Variants in SIK3 observed in about 807,000 individuals in gnomAD.
The protein encoded by SIK3 is serine/threonine-protein kinase SIK3.
A neutral mutation model predicts 144.2 loss-of-function variants in SIK3; 28 were observed. The observed-to-expected ratio is 0.19, with a 90% CI of 0.14 to 0.27. The LOEUF is 0.27. SIK3 is among the 10% of genes least tolerant of loss of function. SIK3 has a pLI of 1.00. For missense variants in SIK3, 1,319 were observed against 1,776.0 expected, an observed-to-expected ratio of 0.74 and a Z score of 4.62; for synonymous variants, 686 against 676.3, an observed-to-expected ratio of 1.01 and a Z score of -0.22.
intron 1 of SIK3, among the ~76,000 whole-genome samples, chr11:117,073,988 T>C (rs1223184778): frequency 1.3e-5 from 2 of 152,174 alleles, no homozygotes; most frequent in Non-Finnish European, 2.9e-5. Flanking sequence ...CAATCATAAT[T>C]CACTGCAGCC....
At position 116,858,411 on chromosome 11, in the gene SIK3, T is replaced by C; in HGVS notation, c.3054A>G (p.Gln1018=). The change falls in exon 21 of 25, where the codon CAA becomes CAG. Residue 1018 remains glutamine, a synonymous_variant. Transcript: ENST00000445177. The surrounding 1 kb of genome is among the most constrained non-coding windows in gnomAD (Gnocchi z 5.4). ...GCGAATGCCGGGGAGAAAGCAGTCC[T>C]TGAAGGATGTGGGGTACCTGCTGGT... The part of the protein sequence containing the change: ...TRHQQVPHIL[Q]GLLSPRHSLT... 6.2e-7 allele frequency: 1 copy of C among 1,612,338 alleles called. No individual in the cohort carries two copies. Among genetic ancestry groups the C allele is most frequent in the Non-Finnish European group, 8.5e-7 (1 of 1,179,118 alleles).
chr11:117,059,621 C>T (rs1206072114), intron 1 of SIK3, among the ~76,000 whole-genome samples: 1 of 152,160 alleles, frequency 6.6e-6, no homozygotes, highest in Non-Finnish European at 1.5e-5. Flanking sequence ...TGGTGAAGCA[C>T]TGGTATCCAA....
chr11:116,865,400 C>T (rs2134456108), intron 15 of SIK3, among the ~76,000 whole-genome samples: 1 of 152,224 alleles, frequency 6.6e-6, no homozygotes, highest in South Asian at 2.1e-4. Flanking sequence ...AGCACAGTAA[C>T]CTCAGAGGAA....
At chr11:117,095,054 C>T (rs1218295862) in intron 1 of SIK3, among the ~76,000 whole-genome samples, 2 of 152,140 alleles carry the variant, frequency 1.3e-5, no homozygotes, top group Non-Finnish European at 2.9e-5. Context: ...CCCAGGATCC[C>T]ACTCTAGACG....
chr11:116,897,538 T>C (rs1297425437), intron 4 of SIK3, among the ~76,000 whole-genome samples: 2 of 152,118 alleles, frequency 1.3e-5, no homozygotes, highest in Non-Finnish European at 2.9e-5. Flanking sequence ...TCAGCAAAAA[T>C]AGTACTGCTC....
chr11:116,929,531 G>GA, intron 3 of SIK3, among the ~76,000 whole-genome samples: 1 of 152,268 alleles, frequency 6.6e-6, no homozygotes, highest in African/African-American at 2.4e-5. Context: ...AAAGTGATTG[G>GA]AAAGTTCTCA....
At chr11:117,081,203 T>C (rs759487840) in intron 1 of SIK3, among the ~76,000 whole-genome samples, 12 of 152,156 alleles carry the variant, frequency 7.9e-5, no homozygotes, top group Non-Finnish European at 1.5e-4. Context: ...TGGTTATAAA[T>C]AGTTAATGTT....
chr11:116,956,291 T>A (rs948969364), intron 2 of SIK3, among the ~76,000 whole-genome samples: 1 of 151,556 alleles, frequency 6.6e-6, no homozygotes, highest in Non-Finnish European at 1.5e-5. Flanking sequence ...TGCTAGGGAA[T>A]CATTTTGATG....
intron 14 of SIK3, chr11:116,869,409 T>G (rs1943834106): frequency 6.6e-6 from 1 of 152,188 alleles, no homozygotes; most frequent in East Asian, 1.9e-4. Context: ...TCTTGCCCCT[T>G]TCAGCTAAAA....
intron 1 of SIK3, among the ~76,000 whole-genome samples, chr11:117,086,462 C>T (rs1473903845): frequency 1.3e-5 from 2 of 152,128 alleles, no homozygotes; most frequent in African/African-American, 4.8e-5. Flanking sequence ...GAGGCCGAGG[C>T]GAGTGGATCA....
intron 4 of SIK3, among the ~76,000 whole-genome samples, chr11:116,901,999 CA>C (rs1945761576): frequency 6.6e-6 from 1 of 152,154 alleles, no homozygotes; most frequent in Non-Finnish European, 1.5e-5. Flanking sequence ...AAATAAAAGA[CA>C]GAAAAAAGAT....
intron 4 of SIK3, among the ~76,000 whole-genome samples, chr11:116,903,359 G>A (rs1258291557): frequency 6.6e-6 from 1 of 152,212 alleles, no homozygotes; most frequent in Admixed American, 6.5e-5. Flanking sequence ...GAATGCTGGG[G>A]TGTGTGGTAG....
At chr11:116,852,893 G>A (rs1038113290) in intron 21 of SIK3, among the ~76,000 whole-genome samples, 1 of 152,192 alleles carries the variant, frequency 6.6e-6, no homozygotes, top group Non-Finnish European at 1.5e-5. Context: ...ATACCCCAGG[G>A]CTCTGTCTGC....
chr11:116,963,646 G>T (rs932546529), intron 1 of SIK3, among the ~76,000 whole-genome samples: 1 of 152,134 alleles, frequency 6.6e-6, no homozygotes, highest in African/African-American at 2.4e-5. Context: ...ATCAAACTCT[G>T]AGAACAACTG....
chr11:117,003,963 G>A lies in SIK3; in HGVS notation c.274-46899C>T, dbSNP rs527449247. Among the ~76,000 whole-genome samples, 5 of 152,286 alleles carry A rather than the reference G, an allele frequency of 3.3e-5. No individual in the cohort carries two copies. In the East Asian group the frequency reaches 7.7e-4, roughly 23 times the overall value. ...CCATGTGCTACTGCTGCCTTCGTCT[G>A]AGCATCTATCTACAAAAATTATGGA... On this transcript the variant is annotated intron_variant, in intron 1 of 24. Coordinates refer to ENST00000445177, the MANE Select transcript of SIK3 (RefSeq NM_001366686.3).
intron 14 of SIK3, 74 bp downstream of exon 14, chr11:116,870,257 C>A: frequency 1.9e-6 from 3 of 1,597,860 alleles, no homozygotes; most frequent in Non-Finnish European, 2.6e-6. Flanking sequence ...CCTCCTTGGG[C>A]AGAGGTGACC....
intron 1 of SIK3, among the ~76,000 whole-genome samples, chr11:117,019,904 A>G (rs548710511): frequency 6.6e-6 from 1 of 152,274 alleles, no homozygotes; most frequent in South Asian, 2.1e-4. Context: ...TTAAAAAAAA[A>G]GAAAAAAAGG....
chr11:116,870,080 G>A, intron 14 of SIK3: 7 of 1,463,240 alleles, frequency 4.8e-6, no homozygotes, highest in South Asian at 1.2e-5. Context: ...AAGAAGGAGG[G>A]AGGAAAGAAA....
chr11:116,901,572 C>A (rs576615419), intron 4 of SIK3, among the ~76,000 whole-genome samples: 1 of 152,264 alleles, frequency 6.6e-6, no homozygotes, highest in East Asian at 1.9e-4. Context: ...CCTCCTGGAT[C>A]CCCTACAAGA....
Sources: gnomAD v4.1 joint callset for allele counts (sites outside exome capture counted in the v4.1 genomes callset) on GRCh38, gnomAD v4.1.1 for gene constraint, Gnocchi (gnomAD v3.1) non-coding constraint, MANE v1.5 for transcripts, NCBI Gene and HGNC (gene_info 2026-07-23, HGNC 2026-07-21) for gene names.